MINK1: variants seen among roughly 807,000 people sequenced by gnomAD.
The protein encoded by MINK1 is misshapen-like kinase 1.
Under a neutral mutation model 178.4 loss-of-function variants are expected in MINK1, and 46 were observed. That is an observed-to-expected ratio of 0.26 (90% CI 0.20 to 0.33). MINK1 has a LOEUF of 0.33. MINK1 is among the 10% of genes least tolerant of loss of function. The pLI, the probability that MINK1 is intolerant of heterozygous loss-of-function variation, is 1.00. For synonymous variants in MINK1, 797 were observed against 709.7 expected, an observed-to-expected ratio of 1.12 and a Z score of -1.96; for missense variants, 1,366 against 1,814.9, an observed-to-expected ratio of 0.75 and a Z score of 4.49.
intron 1 of MINK1, among the ~76,000 whole-genome samples, chr17:4,861,461 G>A (rs1191682258): frequency 6.6e-6 from 1 of 152,094 alleles, no homozygotes; most frequent in Non-Finnish European, 1.5e-5. Flanking sequence ...TCCAACACTT[G>A]TATGGTATCT....
At chr17:4,851,723 G>C (rs114387075) in intron 1 of MINK1, among the ~76,000 whole-genome samples, 1 of 151,910 alleles carries the variant, frequency 6.6e-6, no homozygotes, top group Non-Finnish European at 1.5e-5. Context: ...CTCTCGGGCC[G>C]TGCGTGGTGG....
rs1237193794 is a variant in MINK1, at chr17:4,894,212, C to T, written c.2709C>T (p.Ser903=). The T allele has an allele frequency of 1.2e-6, 2 of 1,613,494 alleles. No homozygotes were observed. The highest frequency in any genetic ancestry group is 2.2e-5 in the South Asian group (2 of 91,076). ...AGCGGAACCTGCTGCATGCTGACAG[C>T]AATGGGTACACAAACCTGCCTGACG... ...EEERNLLHAD[S]NGYTNLPDVV... The change falls in exon 23 of 32, where the codon AGC becomes AGT. Residue 903 remains serine (S), a synonymous_variant. Coordinates refer to ENST00000355280, the MANE Select transcript of MINK1 (RefSeq NM_153827.5). The surrounding 1 kb of genome is among the most constrained non-coding windows in gnomAD (Gnocchi z 4.1).
At chr17:4,854,367 G>A (rs1301389225) in intron 1 of MINK1, among the ~76,000 whole-genome samples, 1 of 152,182 alleles carries the variant, frequency 6.6e-6, no homozygotes, top group Non-Finnish European at 1.5e-5. Context: ...GCCCCTGTCT[G>A]AGGCAGCCAG....
chr17:4,834,918 G>A (rs1040563552), intron 1 of MINK1: 11 of 510,906 alleles, frequency 2.2e-5, no homozygotes, highest in Non-Finnish European at 3.1e-5. Context: ...ATTGAAGAGA[G>A]CAGAGTCATG....
At chr17:4,877,587 T>C (rs142616305) in intron 1 of MINK1, among the ~76,000 whole-genome samples, 12 of 152,210 alleles carry the variant, frequency 7.9e-5, no homozygotes, top group African/African-American at 2.6e-4. Context: ...ATAATAATAA[T>C]GGTCATTAAC....
At chr17:4,867,138 GTTTTTTTTTT>G (rs759995957) in intron 1 of MINK1, among the ~76,000 whole-genome samples, 1 of 64,914 alleles carries the variant, frequency 1.5e-5, no homozygotes, top group Non-Finnish European at 2.8e-5. Context: ...TCTTAGGACT[GTTTTTTTTTT>G]TTTTTTTTTT....
chr17:4,883,698 CTTTTTTTTT>C (rs35648380), intron 4 of MINK1, among the ~76,000 whole-genome samples: 1 of 123,048 alleles, frequency 8.1e-6, no homozygotes, highest in Non-Finnish European at 1.7e-5. Context: ...CGCCCGGCTA[CTTTTTTTTT>C]TTTTTTTTTT....
At chr17:4,844,481 A>G in intron 1 of MINK1, 1 of 460,852 alleles carries the variant, frequency 2.2e-6, no homozygotes. Flanking sequence ...ACTGCCCTCC[A>G]GGAGCACTTG....
rs1968188611 is a variant in MINK1 at position 4,886,277 on chromosome 17, A to G, written c.773+79A>G. ...CCCCACCTTCATGCCCTCTGTGCTC[A>G]GGCTTGGATCTCACCAGAGAAGAGA... On this transcript the variant is annotated intron_variant, in intron 9 of 31. Coordinates refer to ENST00000355280, the MANE Select transcript of MINK1 (RefSeq NM_153827.5). This position sits in a 1 kb window ranked among gnomAD's most constrained non-coding sequence, Gnocchi z 6.1. The G allele has an allele frequency of 6.4e-7, 1 of 1,559,174 alleles. No homozygotes were observed. Among genetic ancestry groups the G allele is most frequent in the Non-Finnish European group, 8.8e-7 (1 of 1,130,512 alleles).
At chr17:4,851,599 G>A (rs1343235890) in intron 1 of MINK1, among the ~76,000 whole-genome samples, 6 of 152,064 alleles carry the variant, frequency 3.9e-5, no homozygotes, top group Non-Finnish European at 8.8e-5. Context: ...CCTCCGAGAA[G>A]CCTTCCCTTC....
intron 31 of MINK1, 145 bp from the exon 32 acceptor site, chr17:4,897,059 G>A (rs189689284): frequency 8.6e-5 from 75 of 871,922 alleles, no homozygotes; most frequent in Non-Finnish European, 1.2e-4. Context: ...CCTTTCCTCC[G>A]GGTGAGGGGC....
At chr17:4,893,207 G>GCTAACCTTTT (rs1969047210) in intron 20 of MINK1, 140 bp downstream of exon 20, 14 of 1,572,810 alleles carry the variant, frequency 8.9e-6, no homozygotes, top group Admixed American at 5.2e-5. Context: ...TTCTCATGGT[G>GCTAACCTTTT]CTAACCTTTC....
At chr17:4,891,406 G>A (rs1436818688) in intron 15 of MINK1, 50 bp from the exon 16 acceptor site, 1 of 1,513,162 alleles carries the variant, frequency 6.6e-7, no homozygotes, top group Non-Finnish European at 8.8e-7. Context: ...TTCGCAGGTG[G>A]GGATGTGCCA....
rs561638055 is a variant in MINK1, at chr17:4,878,200, C to T, written c.58-117C>T. On this transcript the variant is annotated intron_variant, in intron 1 of 31. Transcript: ENST00000355280. ...GCCACCAGGGTTCCTGCCACGTGCC[C>T]TCCTGATATGCTGGTCTTCACTCCC... 587 of 854,532 alleles carry T rather than the reference C, an allele frequency of 6.9e-4. 13 individuals are homozygous for T. The South Asian group carries it at 8.5e-3, about 12-fold the overall frequency. The allele number at this position is 854,532 out of a possible 1,614,324, so 52.9% of individuals were successfully genotyped here. A position where few individuals can be genotyped will look rare whatever the true frequency, so the allele number is the denominator to read the frequency against.
chr17:4,892,279 C>T (rs1968905356), intron 17 of MINK1, 45 bp downstream of exon 17: 1 of 1,526,262 alleles, frequency 6.6e-7, no homozygotes. Flanking sequence ...CTGAGGGCAG[C>T]CTAGGGAGTA....
chr17:4,895,279 G>C lies in MINK1; in HGVS notation c.3085+37G>C, dbSNP rs192876982. 6.2e-7 allele frequency: 1 copy of C among 1,611,676 alleles called. No individual in the cohort carries two copies. Among genetic ancestry groups the C allele is most frequent in the South Asian group, 1.1e-5 (1 of 90,928 alleles). On this transcript the variant is annotated intron_variant, in intron 25 of 31. Coordinates refer to ENST00000355280, the MANE Select transcript of MINK1 (RefSeq NM_153827.5). The surrounding 1 kb of genome is among the most constrained non-coding windows in gnomAD (Gnocchi z 4.3). ...CAGGGACAGCTGAGGAGGCTCTGGC[G>C]TGGCTCTTGTGCTCCTGGTTAGGTG...
Position 4,833,737 on chromosome 17 carries a change from C to G in MINK1, c.57+97C>G, listed in dbSNP as rs970925804. 3.0e-5 allele frequency: 32 copies of G among 1,064,678 alleles called. No individual in the cohort carries two copies. In the African/African-American group the frequency reaches 5.4e-4, roughly 18 times the overall value. The allele number at this position is 1,064,678 out of a possible 1,614,324, so 66.0% of individuals were successfully genotyped here. ...CGCCTCACGTGCTCCCGGGCGCCCC[C>G]TCCACCAGCTTGGGTCCCCTTGGCG... On this transcript the variant is annotated intron_variant, in intron 1 of 31. Coordinates refer to ENST00000355280, the MANE Select transcript of MINK1 (RefSeq NM_153827.5). This position sits in a 1 kb window ranked among gnomAD's most constrained non-coding sequence, Gnocchi z 4.8.
At position 4,854,813 on chromosome 17, in the gene MINK1, G is replaced by A. The variant is rs558700172; in HGVS notation, c.57+21173G>A. The A allele has an allele frequency of 3.1e-5, 15 of 480,344 alleles. No individual in the cohort carries two copies. The East Asian group carries it at 4.3e-4, about 14-fold the overall frequency. 29.8% of individuals were successfully genotyped at this position (480,344 alleles called of 1,614,324 possible). On this transcript the variant is annotated intron_variant, in intron 1 of 31. Transcript: ENST00000355280. ...TTGTGGATTCAGAATAAAAAGATCC[G>A]GTTGAGTTCCACAGTGTGAGAGGCA...
rs944186888 is a variant in MINK1 at position 4,893,009 on chromosome 17, T to C, written c.2342T>C (p.Leu781Pro). The C allele has an allele frequency of 1.2e-5, 19 of 1,579,322 alleles. No individual in the cohort carries two copies. In the Admixed American group the frequency reaches 3.5e-4, roughly 29 times the overall value. The change falls in exon 20 of 32, where the codon CTC (leucine) becomes CCC (proline). Residue 781 changes from leucine (L) to proline (P), a missense_variant. By Grantham distance (98) the Leu-to-Pro change is moderately conservative (BLOSUM62 -3). Coordinates refer to ENST00000355280, the MANE Select transcript of MINK1 (RefSeq NM_153827.5). The stretch of plus-strand genomic sequence containing the variant: ...TCCAAACCGGACAGCTCCCCTGTGC[T>C]CTCCCCTGGGAATAAAGCCAAGCCC... ...VSSKPDSSPV[L>P]SPGNKAKPDD... is the part of the protein sequence containing the mutation.
Sources: allele counts gnomAD v4.1 joint callset (sites outside exome capture counted in the v4.1 genomes callset), GRCh38; gene constraint gnomAD v4.1.1; non-coding constraint Gnocchi (gnomAD v3.1); transcripts MANE v1.5; gene names NCBI Gene and HGNC (gene_info 2026-07-23, HGNC 2026-07-21).